CSMD1: variants seen among roughly 807,000 people sequenced by gnomAD.
CSMD1 encodes the protein CUB and Sushi multiple domains 1, also known as CUB and sushi domain-containing protein 1.
CSMD1 carries 213 observed loss-of-function variants against 417.5 expected under a neutral mutation model. The ratio of observed to expected loss-of-function variants is 0.51; its 90% CI spans 0.46 to 0.57. The LOEUF is 0.57. Among genes scored for constraint, CSMD1 ranks in the 20% least tolerant of loss-of-function variants. The probability of loss-of-function intolerance (pLI) is 0.00; values close to 1 mark genes in which losing one functional copy is unlikely to be tolerated. For synonymous variants in CSMD1, 2,862 were observed against 1,736.8 expected (o/e 1.65, Z -16.11); for missense variants, 6,923 against 4,529.7 (o/e 1.53, Z -15.17).
chr8:4,679,791 T>C (rs1362069350), intron 1 of CSMD1, among the ~76,000 whole-genome samples: 1 of 152,134 alleles, frequency 6.6e-6, no homozygotes, highest in Non-Finnish European at 1.5e-5. Context: ...TGTGTATAAA[T>C]ATTATAAAAT....
At chr8:3,006,194 A>C (rs2128959703) in intron 52 of CSMD1, among the ~76,000 whole-genome samples, 1 of 151,920 alleles carries the variant, frequency 6.6e-6, no homozygotes, top group East Asian at 1.9e-4. Context: ...AGAATAAAAT[A>C]CCTAGGAATC....
At chr8:4,924,913 G>T (rs554665850) in intron 1 of CSMD1, among the ~76,000 whole-genome samples, 1 of 152,046 alleles carries the variant, frequency 6.6e-6, no homozygotes, top group African/African-American at 2.4e-5. Context: ...CCCAAATCTT[G>T]TCTCTTCAAA....
chr8:4,620,167 C>G (rs1407579593), intron 2 of CSMD1, among the ~76,000 whole-genome samples: 3 of 151,572 alleles, frequency 2.0e-5, no homozygotes, highest in Admixed American at 6.6e-5. Context: ...AGATATGTCT[C>G]CATTGTGTTT....
chr8:3,622,353 C>T (rs1374972361), intron 7 of CSMD1, among the ~76,000 whole-genome samples: 1 of 152,160 alleles, frequency 6.6e-6, no homozygotes, highest in East Asian at 1.9e-4. Context: ...ATAATAGACT[C>T]TAGCTTGGTA....
chr8:3,320,030 C>G (rs1223622851), intron 23 of CSMD1, among the ~76,000 whole-genome samples: 1 of 152,176 alleles, frequency 6.6e-6, no homozygotes, highest in Non-Finnish European at 1.5e-5. Flanking sequence ...TCAGGAGTGT[C>G]TGGCCCAGAA....
chr8:4,205,939 A>G (rs1396367231), intron 3 of CSMD1, among the ~76,000 whole-genome samples: 1 of 152,128 alleles, frequency 6.6e-6, no homozygotes, highest in African/African-American at 2.4e-5. Context: ...TCTGACTCCC[A>G]AGTTACTTGC....
At chr8:4,135,129 A>G (rs555687792) in intron 3 of CSMD1, among the ~76,000 whole-genome samples, 1 of 152,284 alleles carries the variant, frequency 6.6e-6, no homozygotes, top group South Asian at 2.1e-4. Context: ...CTTGACGCAC[A>G]CAAAATATTG....
rs544159358 is a variant in CSMD1 at position 3,662,001 on chromosome 8, C to G, written c.1010-45204G>C. ...TGCGGGAGAGAGGAGCTACGCAGAC[C>G]TTGATGGAAGAAGCGGGGGATTTTT... On this transcript the variant is annotated intron_variant, in intron 7 of 69. Transcript: ENST00000635120. 7.2e-5 allele frequency among the ~76,000 whole-genome samples: 11 copies of G among 152,162 alleles called. No homozygotes were observed. In the South Asian group the frequency reaches 2.3e-3, roughly 32 times the overall value.
At chr8:3,776,293 G>C (rs1429754380) in intron 5 of CSMD1, among the ~76,000 whole-genome samples, 2 of 152,114 alleles carry the variant, frequency 1.3e-5, no homozygotes, top group Non-Finnish European at 2.9e-5. Flanking sequence ...ACACTGTCCA[G>C]AGGGGTCACA....
At chr8:3,006,634 C>T (rs1807929737) in intron 52 of CSMD1, among the ~76,000 whole-genome samples, 3 of 150,334 alleles carry the variant, frequency 2.0e-5, no homozygotes, top group Admixed American at 1.3e-4. Context: ...CTACAACTAT[C>T]TGATCTTTGA....
intron 3 of CSMD1, among the ~76,000 whole-genome samples, chr8:4,165,412 T>A (rs888089902): frequency 5.3e-5 from 8 of 152,328 alleles, no homozygotes; most frequent in African/African-American, 1.9e-4. Flanking sequence ...AATATAAGCA[T>A]CATGTTTTGT....
chr8:4,015,421 T>C (rs907520255), intron 4 of CSMD1, among the ~76,000 whole-genome samples: 1 of 152,138 alleles, frequency 6.6e-6, no homozygotes, highest in African/African-American at 2.4e-5. Flanking sequence ...TGACAGTTCA[T>C]ATAGAATTGG....
intron 23 of CSMD1, among the ~76,000 whole-genome samples, chr8:3,327,236 A>G (rs915682711): frequency 1.3e-5 from 2 of 151,544 alleles, no homozygotes; most frequent in Non-Finnish European, 1.5e-5. Context: ...TCCGCCTCCC[A>G]GGTTCACGCC....
intron 3 of CSMD1, among the ~76,000 whole-genome samples, chr8:4,300,769 G>C (rs1027955585): frequency 6.6e-6 from 1 of 152,088 alleles, no homozygotes; most frequent in Non-Finnish European, 1.5e-5. Context: ...CTCCCTATGG[G>C]TGAGAACATG....
chr8:3,898,673 GT>G (rs1807524877), intron 5 of CSMD1, among the ~76,000 whole-genome samples: 1 of 152,158 alleles, frequency 6.6e-6, no homozygotes, highest in African/African-American at 2.4e-5. Context: ...GTATTTGTTG[GT>G]TTGTTTCTCA....
chr8:3,841,141 G>C (rs1168739238), intron 5 of CSMD1, among the ~76,000 whole-genome samples: 2 of 152,046 alleles, frequency 1.3e-5, no homozygotes, highest in African/African-American at 2.4e-5. Context: ...CCCCTCATGA[G>C]GGTACTCATC....
At chr8:3,604,564 C>T (rs1309646239) in intron 8 of CSMD1, among the ~76,000 whole-genome samples, 2 of 152,020 alleles carry the variant, frequency 1.3e-5, no homozygotes, top group Admixed American at 6.5e-5. Context: ...TCTGCTCTAA[C>T]TTTATAAGTA....
intron 3 of CSMD1, among the ~76,000 whole-genome samples, chr8:4,184,993 G>A (rs751106012): frequency 6.6e-6 from 1 of 151,814 alleles, no homozygotes; most frequent in African/African-American, 2.4e-5. Flanking sequence ...ACAAAAATTA[G>A]CTGGGCCTGG....
intron 44 of CSMD1, among the ~76,000 whole-genome samples, 189 bp from the exon 45 acceptor site, chr8:3,107,987 A>G (rs1172410259): frequency 6.6e-6 from 1 of 152,226 alleles, no homozygotes; most frequent in Admixed American, 6.5e-5. Context: ...TAGTGCCAAA[A>G]AACAGTTAAA....
Sources: gnomAD v4.1 joint callset for allele counts (sites outside exome capture counted in the v4.1 genomes callset) on GRCh38, gnomAD v4.1.1 for gene constraint, MANE v1.5 for transcripts, NCBI Gene and HGNC (gene_info 2026-07-23, HGNC 2026-07-21) for gene names.